SLCO5A1: variants seen among roughly 807,000 people sequenced by gnomAD.
SLCO5A1 encodes organic anion transporter polypeptide-related protein 4.
In SLCO5A1, 39 loss-of-function variants were observed where a neutral mutation model predicts 65.1. The ratio of observed to expected loss-of-function variants is 0.60; its 90% confidence interval spans 0.46 to 0.78. The LOEUF (loss-of-function observed/expected upper bound fraction) is 0.78, where lower values mean the gene tolerates loss of function less well. SLCO5A1 is among the 30% of genes least tolerant of loss of function. SLCO5A1 has a pLI of 0.00. For synonymous variants in SLCO5A1, 438 were observed against 415.7 expected (o/e 1.05, Z -0.65); for missense variants, 1,029 against 1,069.4 (o/e 0.96, Z 0.53).
Position 69,832,976 on chromosome 8 carries a change from C to G in SLCO5A1, c.-303G>C, listed in dbSNP as rs1821241327. ...GGTAGCTTGAGGCAGGCGCCTCGCG[C>G]GTCCCGGGCTCATCCCCTCCGCCGC... On this transcript the variant is annotated 5_prime_UTR_variant, in exon 2 of 10. Transcript: ENST00000260126. The surrounding 1 kb of genome is among the most constrained non-coding windows in gnomAD (Gnocchi z 4.5). 16 of 386,716 alleles carry G rather than the reference C, an allele frequency of 4.1e-5. No homozygotes were observed. In the South Asian group the frequency reaches 6.8e-4, roughly 16 times the overall value. The allele number at this position is 386,716 out of a possible 1,614,324, so 24.0% of individuals were successfully genotyped here. A position where few individuals can be genotyped will look rare whatever the true frequency, so the allele number is the denominator to read the frequency against.
chr8:69,750,628 C>A (rs1296589303), intron 4 of SLCO5A1, among the ~76,000 whole-genome samples: 6 of 152,142 alleles, frequency 3.9e-5, no homozygotes, highest in African/African-American at 9.7e-5. Flanking sequence ...TCTGCCTGAA[C>A]ATTCCTGACA....
chr8:69,755,017 T>G (rs531403994), intron 4 of SLCO5A1, among the ~76,000 whole-genome samples: 3 of 152,278 alleles, frequency 2.0e-5, no homozygotes, highest in Non-Finnish European at 2.9e-5. Context: ...TTTAATATTT[T>G]AAAAATCAGA....
intron 5 of SLCO5A1, among the ~76,000 whole-genome samples, chr8:69,711,132 G>T (rs1456228146): frequency 1.3e-5 from 2 of 151,936 alleles, no homozygotes; most frequent in Non-Finnish European, 2.9e-5. Flanking sequence ...AGGCCTCCCC[G>T]CCTGCCCACT....
Position 69,686,673 on chromosome 8 carries a change from A to G in SLCO5A1, c.1623-4330T>C, listed in dbSNP as rs76792107. 3.4e-3 allele frequency among the ~76,000 whole-genome samples: 521 copies of G among 152,236 alleles called. 2 individuals carry two copies. The highest frequency in any genetic ancestry group is 0.012 in the African/African-American group (498 of 41,532). ...TAGTAAGGGTCAGAAATGGATTTAA[A>G]CCCAATTTTATCTTTCACCACAGTG... On this transcript the variant is annotated intron_variant, in intron 6 of 9. Transcript: ENST00000260126.
intron 6 of SLCO5A1, among the ~76,000 whole-genome samples, chr8:69,687,690 A>G (rs994346418): frequency 6.6e-6 from 1 of 152,118 alleles, no homozygotes; most frequent in African/African-American, 2.4e-5. Flanking sequence ...TGCTTTTAGT[A>G]TATTTTGTTC....
intron 8 of SLCO5A1, 91 bp downstream of exon 8, chr8:69,679,287 C>CTT: frequency 1.3e-6 from 2 of 1,550,416 alleles, no homozygotes; most frequent in Non-Finnish European, 1.7e-6. Context: ...GCTTTGCTCT[C>CTT]TGATTTACCA....
At chr8:69,722,339 C>T (rs1420178654) in intron 5 of SLCO5A1, among the ~76,000 whole-genome samples, 1 of 152,048 alleles carries the variant, frequency 6.6e-6, no homozygotes, top group Admixed American at 6.5e-5. Context: ...TTGATCAATA[C>T]AACAGCTCTA....
At chr8:69,693,247 T>G (rs1026921748) in intron 6 of SLCO5A1, among the ~76,000 whole-genome samples, 6 of 152,252 alleles carry the variant, frequency 3.9e-5, no homozygotes, top group African/African-American at 1.4e-4. Context: ...ATATCTTGGC[T>G]ATCAAATCTG....
intron 3 of SLCO5A1, among the ~76,000 whole-genome samples, chr8:69,757,632 C>T (rs1225041229): frequency 2.0e-5 from 3 of 152,104 alleles, no homozygotes; most frequent in African/African-American, 7.2e-5. Flanking sequence ...TGAGCTGAGA[C>T]CTTGCCACTG....
At chr8:69,692,203 C>T (rs545535224) in intron 6 of SLCO5A1, among the ~76,000 whole-genome samples, 2 of 152,184 alleles carry the variant, frequency 1.3e-5, no homozygotes, top group South Asian at 4.2e-4. Flanking sequence ...GAGCCAAGAT[C>T]GTGCCACTGC....
chr8:69,722,899 A>G (rs1471542530), intron 5 of SLCO5A1, among the ~76,000 whole-genome samples: 3 of 152,196 alleles, frequency 2.0e-5, no homozygotes, highest in Admixed American at 2.0e-4. Context: ...TGGCTGATAC[A>G]GAGATGAGGC....
chr8:69,764,084 C>T (rs1203479772), intron 2 of SLCO5A1, among the ~76,000 whole-genome samples: 2 of 152,114 alleles, frequency 1.3e-5, no homozygotes, highest in Admixed American at 6.5e-5. Context: ...ATACTGGTCG[C>T]GAACTCCTGA....
intron 2 of SLCO5A1, among the ~76,000 whole-genome samples, chr8:69,790,840 G>A (rs1466798770): frequency 6.6e-6 from 1 of 152,126 alleles, no homozygotes; most frequent in Non-Finnish European, 1.5e-5. Context: ...CATTCTGAGG[G>A]CATCATAAAC....
intron 2 of SLCO5A1, among the ~76,000 whole-genome samples, chr8:69,814,139 G>GT (rs1488919662): frequency 6.6e-6 from 1 of 152,100 alleles, no homozygotes; most frequent in African/African-American, 2.4e-5. Context: ...TAGGAATAAT[G>GT]TTTTGAATAT....
At chr8:69,822,480 GT>G (rs1820690931) in intron 2 of SLCO5A1, among the ~76,000 whole-genome samples, 2 of 152,188 alleles carry the variant, frequency 1.3e-5, no homozygotes, top group Non-Finnish European at 2.9e-5. Context: ...CCTGTTCAAT[GT>G]TTCCCAGGAG....
chr8:69,755,790 A>G lies in SLCO5A1; in HGVS notation c.1041-149T>C, dbSNP rs1817516890. 4 of 642,092 alleles carry G rather than the reference A, an allele frequency of 6.2e-6. No individual in the cohort carries two copies. In the East Asian group the frequency reaches 1.1e-4, roughly 18 times the overall value. 39.8% of individuals were successfully genotyped at this position (642,092 alleles called of 1,614,324 possible). On this transcript the variant is annotated intron_variant, in intron 3 of 9. Coordinates refer to ENST00000260126, the MANE Select transcript of SLCO5A1 (RefSeq NM_030958.3). The stretch of plus-strand genomic sequence containing the variant: ...CAGTAGGAAGTTGAGCAAACTAAGA[A>G]AATGAAGGAATTCTCTCTTTCTGTG...
intron 2 of SLCO5A1, among the ~76,000 whole-genome samples, chr8:69,773,253 C>T (rs1012772320): frequency 4.6e-5 from 7 of 152,096 alleles, no homozygotes; most frequent in East Asian, 3.9e-4. Context: ...TAGAGGGTGA[C>T]GGCAGTACAG....
chr8:69,738,651 C>T (rs1426300438), intron 4 of SLCO5A1, among the ~76,000 whole-genome samples: 2 of 152,156 alleles, frequency 1.3e-5, no homozygotes, highest in African/African-American at 4.8e-5. Context: ...AGCTATTCTG[C>T]TTCTGTGGGC....
At position 69,737,007 on chromosome 8, in the gene SLCO5A1, C is replaced by T. The variant is rs139709922; in HGVS notation, c.1423+1033G>A. On this transcript the variant is annotated intron_variant, in intron 5 of 9. Transcript: ENST00000260126. ...TAATATAGGAAATCATATATTTTTG[C>T]AACCAAGATCAAGAAAAACATATTT... Among the ~76,000 whole-genome samples, 81 of 152,198 alleles carry T rather than the reference C, an allele frequency of 5.3e-4. 2 individuals are homozygous for T. The South Asian group carries it at 9.3e-3, about 18-fold the overall frequency.
Sources: gnomAD v4.1 joint callset for allele counts (sites outside exome capture counted in the v4.1 genomes callset) on GRCh38, gnomAD v4.1.1 for gene constraint, Gnocchi (gnomAD v3.1) non-coding constraint, MANE v1.5 for transcripts, NCBI Gene and HGNC (gene_info 2026-07-23, HGNC 2026-07-21) for gene names.